The following MYO3B variants were observed in gnomAD, a reference collection of about 807,000 sequenced individuals.
The protein encoded by MYO3B is myosin-IIIb.
MYO3B carries 156 observed loss-of-function variants against 174.6 expected under a neutral mutation model. The ratio of observed to expected loss-of-function variants is 0.89; its 90% CI spans 0.78 to 1.02. The LOEUF (loss-of-function observed/expected upper bound fraction) is 1.02, where lower values mean the gene tolerates loss of function less well. MYO3B is among the 50% of genes least tolerant of loss of function. MYO3B has a pLI of 0.00. For synonymous variants in MYO3B, 563 were observed against 569.1 expected, an observed-to-expected ratio of 0.99 and a Z score of 0.15; for missense variants, 1,632 against 1,639.4, an observed-to-expected ratio of 1.00 and a Z score of 0.08.
chr2:170,357,351 AT>A (rs34296961), intron 8 of MYO3B, among the ~76,000 whole-genome samples: 6 of 146,366 alleles, frequency 4.1e-5, no homozygotes, highest in African/African-American at 1.5e-4. Flanking sequence ...ATATATATAT[AT>A]TTTATATATT....
intron 22 of MYO3B, among the ~76,000 whole-genome samples, chr2:170,441,191 T>C (rs2094798392): frequency 6.6e-6 from 1 of 152,248 alleles, no homozygotes. Context: ...CTTTAAGGTT[T>C]TCTACATATA....
At chr2:170,315,437 C>A (rs1486236669) in intron 7 of MYO3B, among the ~76,000 whole-genome samples, 1 of 151,886 alleles carries the variant, frequency 6.6e-6, no homozygotes, top group East Asian at 1.9e-4. Flanking sequence ...TCCTGAGTAG[C>A]TGGGATCACA....
At chr2:170,610,467 T>C (rs961749299) in intron 32 of MYO3B, among the ~76,000 whole-genome samples, 1 of 152,358 alleles carries the variant, frequency 6.6e-6, no homozygotes, top group Non-Finnish European at 1.5e-5. Flanking sequence ...GTTAACAAAA[T>C]TGATTACCCT....
intron 32 of MYO3B, among the ~76,000 whole-genome samples, chr2:170,560,656 A>T (rs575757768): frequency 6.6e-6 from 1 of 152,230 alleles, no homozygotes; most frequent in African/African-American, 2.4e-5. Context: ...ATCTTAGGGG[A>T]TGAGTTTACA....
At chr2:170,404,843 T>G (rs1451468891) in intron 20 of MYO3B, among the ~76,000 whole-genome samples, 1 of 152,158 alleles carries the variant, frequency 6.6e-6, no homozygotes, top group Admixed American at 6.5e-5. Flanking sequence ...CCCAGCTAGT[T>G]TAGTCTTTCT....
At chr2:170,486,789 T>C (rs1686092779) in intron 25 of MYO3B, among the ~76,000 whole-genome samples, 1 of 152,188 alleles carries the variant, frequency 6.6e-6, no homozygotes. Context: ...AAGTAGCCCA[T>C]TCCCTGTGTC....
intron 32 of MYO3B, among the ~76,000 whole-genome samples, chr2:170,568,403 T>C (rs1692213046): frequency 6.6e-6 from 1 of 152,186 alleles, no homozygotes; most frequent in South Asian, 2.1e-4. Flanking sequence ...TCTCTAACAA[T>C]AAATATTCAG....
chr2:170,358,499 T>G (rs1243485353), intron 8 of MYO3B, among the ~76,000 whole-genome samples: 4 of 152,096 alleles, frequency 2.6e-5, no homozygotes, highest in Non-Finnish European at 5.9e-5. Flanking sequence ...GTTCTGAAAT[T>G]GATTGTGGTA....
At chr2:170,499,616 T>C (rs1191521966) in intron 26 of MYO3B, 30 bp from the exon 27 acceptor site, 7 of 1,609,264 alleles carry the variant, frequency 4.3e-6, no homozygotes, top group Admixed American at 3.3e-5. Context: ...GGAACCCATA[T>C]GTAATGCTAA....
rs149274210 is a variant in MYO3B at position 170,470,038 on chromosome 2, G to T, written c.3014+3327G>T. On this transcript the variant is annotated intron_variant, in intron 25 of 34. Transcript: ENST00000408978. ...AATCACTTGAAACTGGGAGGTGAAGGTTGTAGTGAGCCGAGATCGTGCCAT... is the reference window on the plus strand; with the variant it reads ...AATCACTTGAAACTGGGAGGTGAAGTTTGTAGTGAGCCGAGATCGTGCCAT... 6.4e-3 allele frequency among the ~76,000 whole-genome samples: 891 copies of T among 138,988 alleles called. 8 individuals are homozygous for T. Among genetic ancestry groups the T allele is most frequent in the African/African-American group, 0.023 (845 of 36,714 alleles). 91.2% of individuals were successfully genotyped at this position (138,988 alleles called of 152,430 possible). A position where few individuals can be genotyped will look rare whatever the true frequency, so the allele number is the denominator to read the frequency against.
At chr2:170,286,904 G>C (rs1328621193) in intron 7 of MYO3B, among the ~76,000 whole-genome samples, 1 of 151,512 alleles carries the variant, frequency 6.6e-6, no homozygotes, top group Non-Finnish European at 1.5e-5. Context: ...CTGGCCTCTG[G>C]TAACCATTAA....
intron 7 of MYO3B, among the ~76,000 whole-genome samples, chr2:170,307,109 C>A (rs757668977): frequency 6.6e-6 from 1 of 151,744 alleles, no homozygotes; most frequent in Non-Finnish European, 1.5e-5. Flanking sequence ...TGAGTGTGAT[C>A]GTGCACACCA....
At chr2:170,523,816 G>T (rs553697904) in intron 30 of MYO3B, among the ~76,000 whole-genome samples, 68 of 152,300 alleles carry the variant, frequency 4.5e-4, no homozygotes, top group African/African-American at 1.6e-3. Flanking sequence ...CTCTCCATTT[G>T]CTAGGAGGGA....
chr2:170,597,171 G>C (rs75941626), intron 32 of MYO3B, among the ~76,000 whole-genome samples: 4,276 of 152,094 alleles, frequency 0.028, 88 homozygotes, highest in Middle Eastern at 0.051. Context: ...CCTGCCTCGA[G>C]AGCAGCCTGG....
chr2:170,609,549 G>A (rs989361472), intron 32 of MYO3B, among the ~76,000 whole-genome samples: 2 of 152,142 alleles, frequency 1.3e-5, no homozygotes, highest in South Asian at 4.1e-4. Flanking sequence ...TATGTGTAAG[G>A]ACTCATTTAA....
At chr2:170,623,041 A>T (rs1347325225) in intron 32 of MYO3B, among the ~76,000 whole-genome samples, 1 of 152,160 alleles carries the variant, frequency 6.6e-6, no homozygotes. Context: ...ATACGTGTGC[A>T]TGTGTCTTTA....
In MYO3B at chr2:170,392,283, G is replaced by T. The variant is rs1395752694; in HGVS notation, c.1677-98G>T. 4 of 746,658 alleles carry T rather than the reference G, an allele frequency of 5.4e-6. No homozygotes were observed. In the East Asian group the frequency reaches 8.6e-5, roughly 16 times the overall value. The allele number at this position is 746,658 out of a possible 1,614,324, so 46.3% of individuals were successfully genotyped here. A position where few individuals can be genotyped will look rare whatever the true frequency, so the allele number is the denominator to read the frequency against. On this transcript the variant is annotated intron_variant, in intron 15 of 34. Coordinates refer to ENST00000408978, the MANE Select transcript of MYO3B (RefSeq NM_138995.5). ...ACTTCAGGCTGGGCAACAGAGTGAG[G>T]TCCCATCTTTAAACAAACAACAAAC...
chr2:170,182,650 T>C (rs1253526152), intron 1 of MYO3B, among the ~76,000 whole-genome samples: 1 of 147,056 alleles, frequency 6.8e-6, no homozygotes, highest in Non-Finnish European at 1.5e-5. Flanking sequence ...TTCACTCCAT[T>C]GCCCAAGGTG....
At chr2:170,195,045 T>A (rs2092583252) in intron 1 of MYO3B, among the ~76,000 whole-genome samples, 1 of 151,944 alleles carries the variant, frequency 6.6e-6, no homozygotes, top group East Asian at 1.9e-4. Context: ...GATTAGATGG[T>A]CCCACCTAGA....
Sources: allele counts gnomAD v4.1 joint callset (sites outside exome capture counted in the v4.1 genomes callset), GRCh38; gene constraint gnomAD v4.1.1; transcripts MANE v1.5; gene names NCBI Gene and HGNC (gene_info 2026-07-23, HGNC 2026-07-21).